FHIT: variants seen among roughly 807,000 people sequenced by gnomAD.
FHIT encodes the protein bis(5'-adenosyl)-triphosphatase.
A neutral mutation model predicts 17.9 loss-of-function variants in FHIT; 19 were observed. That is an observed-to-expected ratio of 1.06 (90% CI 0.74 to 1.56). The LOEUF is 1.56. FHIT is among the 40% of genes most tolerant of loss of function. The pLI is 0.00. For synonymous variants in FHIT, 81 were observed against 69.7 expected (o/e 1.16, Z -0.81); for missense variants, 248 against 189.2 (o/e 1.31, Z -1.82).
chr3:60,308,583 A>G (rs530131164), intron 5 of FHIT, among the ~76,000 whole-genome samples: 67 of 151,388 alleles, frequency 4.4e-4, no homozygotes, highest in African/African-American at 1.5e-3. Context: ...TCCCCCCCCA[A>G]CAATTAGTGA....
At chr3:60,884,330 T>C (rs954181289) in intron 3 of FHIT, among the ~76,000 whole-genome samples, 7 of 152,054 alleles carry the variant, frequency 4.6e-5, no homozygotes, top group African/African-American at 1.7e-4. Context: ...ACTAAAAATA[T>C]CTACAATGTG....
At chr3:60,354,724 G>A (rs1034873301) in intron 5 of FHIT, among the ~76,000 whole-genome samples, 9 of 152,062 alleles carry the variant, frequency 5.9e-5, no homozygotes, top group Non-Finnish European at 1.2e-4. Flanking sequence ...CTCAAAGTAC[G>A]CCGGTCCAAT....
chr3:60,596,671 A>G (rs1282954833), intron 4 of FHIT, among the ~76,000 whole-genome samples: 1 of 152,122 alleles, frequency 6.6e-6, no homozygotes, highest in African/African-American at 2.4e-5. Context: ...CCTTGTGGGT[A>G]ATGGCTAAAT....
intron 2 of FHIT, among the ~76,000 whole-genome samples, chr3:61,053,973 G>A (rs542295384): frequency 1.3e-5 from 2 of 152,304 alleles, no homozygotes; most frequent in South Asian, 2.1e-4. Context: ...GTAAGCAAGC[G>A]CTGGGAAAGG....
intron 5 of FHIT, among the ~76,000 whole-genome samples, chr3:60,164,740 G>A (rs1279905673): frequency 6.6e-6 from 1 of 152,080 alleles, no homozygotes; most frequent in African/African-American, 2.4e-5. Context: ...TGCTTTGCCA[G>A]TGTTTTCTCC....
chr3:60,549,822 C>A (rs1374726297), intron 4 of FHIT, among the ~76,000 whole-genome samples: 1 of 152,068 alleles, frequency 6.6e-6, no homozygotes, highest in Non-Finnish European at 1.5e-5. Flanking sequence ...ACTGTGTTTC[C>A]TTTTAACTAG....
chr3:60,394,505 C>T (rs1479104456), intron 5 of FHIT, among the ~76,000 whole-genome samples: 2 of 152,110 alleles, frequency 1.3e-5, no homozygotes, highest in Non-Finnish European at 2.9e-5. Flanking sequence ...TGCTTTGGCA[C>T]AGAAGGGGAA....
At chr3:60,749,275 C>T (rs1245943530) in intron 4 of FHIT, among the ~76,000 whole-genome samples, 1 of 150,916 alleles carries the variant, frequency 6.6e-6, no homozygotes, top group Non-Finnish European at 1.5e-5. Flanking sequence ...GAAGTTTCTG[C>T]TATTAGTCAA....
intron 8 of FHIT, among the ~76,000 whole-genome samples, chr3:59,862,200 G>C (rs542464430): frequency 1.1e-4 from 16 of 152,324 alleles, no homozygotes; most frequent in African/African-American, 3.6e-4. Context: ...ATGGTGAAAG[G>C]CAAAGGAGAA....
intron 4 of FHIT, among the ~76,000 whole-genome samples, chr3:60,642,839 C>T (rs1425872479): frequency 1.3e-5 from 2 of 152,138 alleles, no homozygotes; most frequent in African/African-American, 4.8e-5. Flanking sequence ...ATGTGCTTTC[C>T]TCCCTTCCTT....
chr3:60,028,550 G>T (rs1385780566), intron 5 of FHIT, among the ~76,000 whole-genome samples: 3 of 152,170 alleles, frequency 2.0e-5, no homozygotes, highest in Admixed American at 2.0e-4. Context: ...TTCCAGTGAT[G>T]AACCCACATA....
chr3:61,211,380 GC>G (rs1225492231), intron 1 of FHIT, among the ~76,000 whole-genome samples: 11 of 152,230 alleles, frequency 7.2e-5, no homozygotes, highest in Admixed American at 7.2e-4. Flanking sequence ...AGGGTCCTAT[GC>G]CCACGGAGTC....
At chr3:60,595,251 G>A (rs1213824789) in intron 4 of FHIT, among the ~76,000 whole-genome samples, 2 of 152,104 alleles carry the variant, frequency 1.3e-5, no homozygotes, top group African/African-American at 2.4e-5. Context: ...AGGGGTCAGA[G>A]TGGCAGGCAT....
At chr3:59,974,001 A>C (rs1171348560) in intron 7 of FHIT, among the ~76,000 whole-genome samples, 2 of 151,842 alleles carry the variant, frequency 1.3e-5, no homozygotes, top group South Asian at 2.1e-4. Flanking sequence ...AAAAACCCAC[A>C]AAACTAGTTT....
At chr3:59,782,451 G>T (rs1004239884) in intron 8 of FHIT, among the ~76,000 whole-genome samples, 8 of 152,142 alleles carry the variant, frequency 5.3e-5, no homozygotes, top group Non-Finnish European at 1.0e-4. Context: ...GAAACTCAGT[G>T]CTCATCTCAC....
chr3:59,999,469 C>A (rs926454509), intron 7 of FHIT, among the ~76,000 whole-genome samples: 35 of 152,110 alleles, frequency 2.3e-4, no homozygotes, highest in African/African-American at 8.2e-4. Context: ...TGCAGATATG[C>A]AGAGGCACTT....
intron 5 of FHIT, among the ~76,000 whole-genome samples, chr3:60,185,287 C>A (rs1475384278): frequency 2.6e-5 from 4 of 152,112 alleles, no homozygotes; most frequent in Non-Finnish European, 5.9e-5. Context: ...ACCTATTAAA[C>A]CTCACCCCAG....
chr3:60,573,815 T>G (rs2037471245), intron 4 of FHIT, among the ~76,000 whole-genome samples: 1 of 152,084 alleles, frequency 6.6e-6, no homozygotes, highest in South Asian at 2.1e-4. Flanking sequence ...TGTACTTTTT[T>G]TTTTTATTTT....
intron 5 of FHIT, among the ~76,000 whole-genome samples, chr3:60,128,434 C>T (rs774106012): frequency 2.0e-5 from 3 of 152,160 alleles, no homozygotes; most frequent in Non-Finnish European, 4.4e-5. Context: ...TATAAGTTTC[C>T]TGAGGCCTCT....
Sources: gnomAD v4.1 joint callset for allele counts (sites outside exome capture counted in the v4.1 genomes callset) on GRCh38, gnomAD v4.1.1 for gene constraint, MANE v1.5 for transcripts, NCBI Gene and HGNC (gene_info 2026-07-23, HGNC 2026-07-21) for gene names.